Variants in PTPN22 observed in about 807,000 individuals in gnomAD.
The protein encoded by PTPN22 is tyrosine-protein phosphatase non-receptor type 22.
In PTPN22, 85 loss-of-function variants were observed where a neutral mutation model predicts 103.3. The observed-to-expected ratio is 0.82, with a 90% confidence interval of 0.69 to 0.99. The LOEUF (loss-of-function observed/expected upper bound fraction) is 0.99. Among genes scored for constraint, PTPN22 ranks in the 50% least tolerant of loss-of-function variants. The pLI is 0.00. For missense variants in PTPN22, 865 were observed against 936.9 expected (o/e 0.92, Z 1.00); for synonymous variants, 323 against 310.2 (o/e 1.04, Z -0.43).
chr1:113,832,103 C>G (rs952613350), intron 16 of PTPN22, among the ~76,000 whole-genome samples: 2 of 152,016 alleles, frequency 1.3e-5, no homozygotes, highest in African/African-American at 4.8e-5. Context: ...GTAATTTAAC[C>G]AAGTTTATGC....
chr1:113,822,938 G>A (rs144574482), intron 19 of PTPN22, among the ~76,000 whole-genome samples: 12 of 152,264 alleles, frequency 7.9e-5, no homozygotes, highest in Admixed American at 3.3e-4. Context: ...CAGCCTGGGC[G>A]ACAGAGCTAG....
intron 19 of PTPN22, among the ~76,000 whole-genome samples, chr1:113,824,784 A>G (rs1661900189): frequency 6.6e-6 from 1 of 152,108 alleles, no homozygotes; most frequent in South Asian, 2.1e-4. Flanking sequence ...GGATCACTTG[A>G]GCCCAGGAGT....
intron 1 of PTPN22, among the ~76,000 whole-genome samples, chr1:113,862,912 C>T (rs757152954): frequency 1.4e-4 from 22 of 152,130 alleles, no homozygotes; most frequent in East Asian, 1.2e-3. Context: ...CTGAATTGTA[C>T]GAGCGTGCAA....
In PTPN22 at chr1:113,825,095, T is replaced by A. The variant is rs768405918; in HGVS notation, c.2281+47A>T. 12 of 1,337,914 alleles carry A rather than the reference T, an allele frequency of 9.0e-6. No homozygotes were observed. In the South Asian group the frequency reaches 1.6e-4, roughly 18 times the overall value. The allele number at this position is 1,337,914 out of a possible 1,614,324, so 82.9% of individuals were successfully genotyped here. On this transcript the variant is annotated intron_variant, in intron 19 of 20. Coordinates refer to ENST00000359785, the Ensembl canonical transcript of PTPN22. The stretch of plus-strand genomic sequence containing the variant: ...TATTGGTTGGTTATATAAATAAAAA[T>A]TACAAAATTGAGAAAACGATATTTT...
At chr1:113,843,829 T>G (rs1377433688) in intron 11 of PTPN22, among the ~76,000 whole-genome samples, 1 of 152,220 alleles carries the variant, frequency 6.6e-6, no homozygotes, top group Non-Finnish European at 1.5e-5. Flanking sequence ...CTGAGATTTC[T>G]TTTTTGGGAG....
chr1:113,864,389 C>CAA, intron 1 of PTPN22: 1 of 154,016 alleles, frequency 6.5e-6, no homozygotes, highest in Non-Finnish European at 1.3e-5. Context: ...GACCCTGTCT[C>CAA]CAGAAAAAAA....
chr1:113,871,555 C>G, exon 1 of PTPN22: 6 of 1,614,054 alleles, frequency 3.7e-6, no homozygotes, highest in Non-Finnish European at 5.1e-6. Flanking sequence ...CATTGGCAAA[C>G]TCCTCTTTAG....
rs74163648 is a variant in PTPN22 at position 113,854,892 on chromosome 1, T to C, written c.683+15A>G. The C allele has an allele frequency of 8.3e-5, 133 of 1,611,274 alleles. No homozygotes were observed. The highest frequency in any genetic ancestry group is 1.0e-4 in the Non-Finnish European group (121 of 1,178,180). On this transcript the variant is annotated intron_variant, in intron 8 of 20. Coordinates refer to ENST00000359785, the Ensembl canonical transcript of PTPN22. ...TGGTTCATTTTGGGTAGAAGGTTTATATATAGTGTCATACCTGCAGTGAAT... is the reference window on the plus strand; with the variant it reads ...TGGTTCATTTTGGGTAGAAGGTTTACATATAGTGTCATACCTGCAGTGAAT...
At chr1:113,847,562 A>T (rs1376342112) in intron 11 of PTPN22, among the ~76,000 whole-genome samples, 8 of 144,558 alleles carry the variant, frequency 5.5e-5, no homozygotes, top group Non-Finnish European at 9.1e-5. Flanking sequence ...AATCTTAGTT[A>T]AGCCTTCTCT....
At chr1:113,835,343 C>T (rs1217519327) in intron 13 of PTPN22, among the ~76,000 whole-genome samples, 2 of 152,024 alleles carry the variant, frequency 1.3e-5, no homozygotes, top group Admixed American at 1.3e-4. Flanking sequence ...GTGGTGAAAC[C>T]GTGTCTCTAC....
intron 11 of PTPN22, among the ~76,000 whole-genome samples, chr1:113,848,175 A>G (rs1162626213): frequency 6.6e-6 from 1 of 151,728 alleles, no homozygotes; most frequent in East Asian, 1.9e-4. Flanking sequence ...CAGCCTCTGG[A>G]GTAGCTGGGA....
intron 8 of PTPN22, 36 bp from the exon 9 acceptor site, chr1:113,854,573 A>G (rs777912870): frequency 6.4e-6 from 10 of 1,570,370 alleles, no homozygotes; most frequent in Non-Finnish European, 8.8e-6. Context: ...GTATGCATGT[A>G]TACCTAGAGA....
chr1:113,858,952 T>C lies in PTPN22; in HGVS notation c.273+50A>G, dbSNP rs771384027. 3.0e-5 allele frequency: 47 copies of C among 1,586,808 alleles called. No homozygotes were observed. The Middle Eastern group carries it at 5.0e-4, about 17-fold the overall frequency. On this transcript the variant is annotated intron_variant, in intron 3 of 20. Coordinates refer to ENST00000359785, the Ensembl canonical transcript of PTPN22. ...CTGAGTCCAGCCAGCCCTCCCCTTT[T>C]TTTGGGTATCTAGAGAAATATGGAA...
intron 13 of PTPN22, among the ~76,000 whole-genome samples, chr1:113,836,879 C>A (rs928809081): frequency 1.3e-5 from 2 of 151,988 alleles, no homozygotes; most frequent in African/African-American, 4.8e-5. Context: ...TGAGCAATGT[C>A]CACACCACTG....
chr1:113,829,952 CT>C lies in PTPN22; in HGVS notation c.2130del (p.Asp711IlefsTer8). The C allele has an allele frequency of 6.3e-7, 1 of 1,595,370 alleles. No homozygotes were observed. Among genetic ancestry groups the C allele is most frequent in the Non-Finnish European group, 8.6e-7 (1 of 1,163,400 alleles). On this transcript the variant is annotated frameshift_variant, in exon 17 of 21. Coordinates refer to ENST00000359785, the Ensembl canonical transcript of PTPN22. LOFTEE classifies it high-confidence loss of function. ...GAGAGAAAGTGCTACCACTTACAATCTTCATCGGCAAGAAAGAAGGACTCTA... is the reference window on the plus strand; with the variant it reads ...GAGAGAAAGTGCTACCACTTACAATCTCATCGGCAAGAAAGAAGGACTCTA...
Position 113,839,284 on chromosome 1 carries a change from T to A in PTPN22, c.916-664A>T, listed in dbSNP as rs1166768001. On this transcript the variant is annotated intron_variant, in intron 11 of 20. Coordinates refer to ENST00000359785, the Ensembl canonical transcript of PTPN22. ...TTTAAGAGACAGGGCCTCGCTGTAT[T>A]GCCCAGTCTGGCCTCAAACTTCTGG... Among the ~76,000 whole-genome samples the A allele has an allele frequency of 2.6e-5, 4 of 152,282 alleles. No individual in the cohort carries two copies. The East Asian group carries it at 7.7e-4, about 29-fold the overall frequency.
At chr1:113,816,424 G>GAAA (rs71590579) in intron 20 of PTPN22, among the ~76,000 whole-genome samples, 1 of 125,760 alleles carries the variant, frequency 8.0e-6, no homozygotes. Context: ...CTGCAGAGGG[G>GAAA]AAAAAAAAAA....
chr1:113,821,297 TTTTTG>T (rs551753469), intron 19 of PTPN22, among the ~76,000 whole-genome samples: 16 of 152,034 alleles, frequency 1.1e-4, no homozygotes, highest in African/African-American at 3.9e-4. Flanking sequence ...ATCATGGATT[TTTTTG>T]TTTTGTTTTG....
chr1:113,863,249 T>C (rs909154054), intron 1 of PTPN22, among the ~76,000 whole-genome samples: 2 of 152,130 alleles, frequency 1.3e-5, no homozygotes, highest in African/African-American at 4.8e-5. Context: ...CCTGCCACCA[T>C]GCCCAGCTAA....
Sources: gnomAD v4.1 joint callset for allele counts (sites outside exome capture counted in the v4.1 genomes callset) on GRCh38, gnomAD v4.1.1 for gene constraint, MANE v1.5 for transcripts, NCBI Gene and HGNC (gene_info 2026-07-23, HGNC 2026-07-21) for gene names.